ULK4: variants seen among roughly 807,000 people sequenced by gnomAD.
ULK4 encodes unc-51 like kinase 4, also known as inactive serine/threonine-protein kinase ULK4.
A neutral mutation model predicts 160.6 loss-of-function variants in ULK4; 133 were observed. That is an observed-to-expected ratio of 0.83 (90% CI 0.72 to 0.96). ULK4 has a LOEUF of 0.96. Ranked by LOEUF, ULK4 falls within the 40% of genes least tolerant of loss-of-function variation. The pLI is 0.00. For missense variants in ULK4, 1,580 were observed against 1,499.5 expected (o/e 1.05, Z -0.89); for synonymous variants, 534 against 539.8 (o/e 0.99, Z 0.15).
At chr3:41,856,592 T>TATATATATATGTGTATATATATACAC (rs1559611305) in intron 17 of ULK4, among the ~76,000 whole-genome samples, 19 of 67,788 alleles carry the variant, frequency 2.8e-4, no homozygotes, top group African/African-American at 3.9e-4. Flanking sequence ...TATATACACA[T>TATATATATATGTGTATATATATACAC]ATATATATAT....
At chr3:41,307,326 G>A (rs1371917390) in intron 35 of ULK4, among the ~76,000 whole-genome samples, 1 of 152,176 alleles carries the variant, frequency 6.6e-6, no homozygotes, top group Non-Finnish European at 1.5e-5. Flanking sequence ...GGATGAGAAA[G>A]ATTTAGATAC....
At chr3:41,595,967 A>C (rs1385011871) in intron 31 of ULK4, among the ~76,000 whole-genome samples, 1 of 152,210 alleles carries the variant, frequency 6.6e-6, no homozygotes, top group Non-Finnish European at 1.5e-5. Context: ...TTTCCTAACG[A>C]GATCTAAAAA....
At chr3:41,901,255 C>CT (rs1472903313) in intron 12 of ULK4, among the ~76,000 whole-genome samples, 1 of 147,698 alleles carries the variant, frequency 6.8e-6, no homozygotes, top group Non-Finnish European at 1.5e-5. Context: ...TCTCGGCTCA[C>CT]TACAAGCTCT....
intron 4 of ULK4, among the ~76,000 whole-genome samples, chr3:41,933,249 C>T (rs879688747): frequency 7.2e-5 from 11 of 152,160 alleles, no homozygotes; most frequent in Non-Finnish European, 1.5e-4. Context: ...CCCATTTCTA[C>T]CAAGTGCCAG....
chr3:41,296,126 T>C (rs985404082), intron 35 of ULK4, among the ~76,000 whole-genome samples: 1 of 152,216 alleles, frequency 6.6e-6, no homozygotes, highest in African/African-American at 2.4e-5. Flanking sequence ...CTTTGTAATT[T>C]GTCAGTGCAG....
At chr3:41,354,091 G>A (rs1384777643) in intron 35 of ULK4, among the ~76,000 whole-genome samples, 1 of 152,132 alleles carries the variant, frequency 6.6e-6, no homozygotes, top group Non-Finnish European at 1.5e-5. Flanking sequence ...TGCCTGCCAA[G>A]GAAACTCATC....
At chr3:41,734,208 A>G (rs1307157042) in intron 22 of ULK4, among the ~76,000 whole-genome samples, 1 of 152,132 alleles carries the variant, frequency 6.6e-6, no homozygotes, top group African/African-American at 2.4e-5. Flanking sequence ...TAAGCAGGGG[A>G]CCATCTTTTT....
chr3:41,560,748 T>C (rs992891384), intron 32 of ULK4, among the ~76,000 whole-genome samples: 27 of 152,340 alleles, frequency 1.8e-4, no homozygotes, highest in African/African-American at 6.5e-4. Context: ...GCTTATCAGC[T>C]TAAGGAGATT....
At chr3:41,730,814 T>C (rs1364146116) in intron 22 of ULK4, among the ~76,000 whole-genome samples, 5 of 152,184 alleles carry the variant, frequency 3.3e-5, no homozygotes, top group African/African-American at 4.8e-5. Flanking sequence ...GCCAATATCC[T>C]TGATGAAAAA....
intron 35 of ULK4, among the ~76,000 whole-genome samples, chr3:41,279,916 A>G (rs933923496): frequency 6.6e-6 from 1 of 152,234 alleles, no homozygotes; most frequent in African/African-American, 2.4e-5. Flanking sequence ...GCAGAGACAC[A>G]CATAGACTCA....
At chr3:41,532,010 C>T (rs1375796043) in intron 32 of ULK4, among the ~76,000 whole-genome samples, 2 of 152,150 alleles carry the variant, frequency 1.3e-5, no homozygotes, top group Non-Finnish European at 2.9e-5. Context: ...GAATCTGCTT[C>T]CCAAACCACC....
chr3:41,897,081 C>T, intron 14 of ULK4, 78 bp from the exon 15 acceptor site: 1 of 1,307,382 alleles, frequency 7.6e-7, no homozygotes, highest in Non-Finnish European at 1.1e-6. Context: ...GAAATAAACA[C>T]AGAATTACGA....
chr3:41,853,169 C>T (rs115668689), intron 17 of ULK4, among the ~76,000 whole-genome samples: 5,052 of 152,244 alleles, frequency 0.033, 125 homozygotes, highest in Non-Finnish European at 0.054. Context: ...TTGCAAAACC[C>T]CTTCCTCAGA....
intron 32 of ULK4, among the ~76,000 whole-genome samples, chr3:41,481,662 C>T (rs1393643418): frequency 2.0e-5 from 3 of 151,082 alleles, no homozygotes; most frequent in Admixed American, 6.6e-5. Flanking sequence ...CCCGTCTCTA[C>T]TAAAAATACA....
intron 32 of ULK4, among the ~76,000 whole-genome samples, chr3:41,532,648 G>C (rs2125942164): frequency 6.6e-6 from 1 of 152,222 alleles, no homozygotes; most frequent in East Asian, 1.9e-4. Flanking sequence ...AGTTTTACTG[G>C]AACACAGTCA....
At chr3:41,892,194 T>C (rs1337658760) in intron 16 of ULK4, among the ~76,000 whole-genome samples, 1 of 152,162 alleles carries the variant, frequency 6.6e-6, no homozygotes, top group Non-Finnish European at 1.5e-5. Context: ...AAAAAATACC[T>C]ACAACTCAAC....
At chr3:41,432,828 A>G (rs1420959885) in intron 34 of ULK4, among the ~76,000 whole-genome samples, 1 of 152,072 alleles carries the variant, frequency 6.6e-6, no homozygotes, top group African/African-American at 2.4e-5. Context: ...CCAACATACC[A>G]CTACATAGAT....
intron 32 of ULK4, among the ~76,000 whole-genome samples, chr3:41,472,116 A>G (rs1390789272): frequency 6.6e-6 from 1 of 152,046 alleles, no homozygotes; most frequent in Non-Finnish European, 1.5e-5. Context: ...AGATGACTCA[A>G]ATAAATAAAA....
chr3:41,319,347 T>C (rs1443901703), intron 35 of ULK4, among the ~76,000 whole-genome samples: 1 of 152,214 alleles, frequency 6.6e-6, no homozygotes, highest in Non-Finnish European at 1.5e-5. Flanking sequence ...TTGTTTCTAC[T>C]GAGTTCTCAA....
Sources: allele counts gnomAD v4.1 joint callset (sites outside exome capture counted in the v4.1 genomes callset), GRCh38; gene constraint gnomAD v4.1.1; transcripts MANE v1.5; gene names NCBI Gene and HGNC (gene_info 2026-07-23, HGNC 2026-07-21).